The following PTPRT variants were observed in gnomAD, a reference collection of about 807,000 sequenced individuals.
The protein encoded by PTPRT is receptor-type tyrosine-protein phosphatase T.
PTPRT carries 56 observed loss-of-function variants against 176.8 expected under a neutral mutation model. The ratio of observed to expected loss-of-function variants is 0.32; its 90% confidence interval spans 0.26 to 0.40. PTPRT has a LOEUF of 0.40. PTPRT is among the 10% of genes least tolerant of loss of function. PTPRT has a pLI of 1.00. For synonymous variants in PTPRT, 783 were observed against 739.0 expected (o/e 1.06, Z -0.96); for missense variants, 1,540 against 1,908.2 (o/e 0.81, Z 3.60).
chr20:42,875,231 T>C (rs1171648779), intron 2 of PTPRT, among the ~76,000 whole-genome samples: 3 of 152,198 alleles, frequency 2.0e-5, no homozygotes, highest in Non-Finnish European at 4.4e-5. Context: ...CAAAAGGACA[T>C]CATGTTGCTT....
intron 9 of PTPRT, among the ~76,000 whole-genome samples, chr20:42,357,427 A>G (rs957988133): frequency 6.6e-6 from 1 of 152,244 alleles, no homozygotes. Flanking sequence ...GCATGTCTAA[A>G]TGAATAATTA....
chr20:42,813,234 CT>C (rs1202758051), intron 2 of PTPRT, among the ~76,000 whole-genome samples: 3 of 152,144 alleles, frequency 2.0e-5, no homozygotes, highest in African/African-American at 7.2e-5. Flanking sequence ...TGAACCCTCG[CT>C]TTATTGACCT....
intron 1 of PTPRT, among the ~76,000 whole-genome samples, chr20:42,953,458 A>C (rs1368007304): frequency 6.6e-6 from 1 of 152,242 alleles, no homozygotes; most frequent in East Asian, 1.9e-4. Context: ...TCGGTGAATC[A>C]CACAAGATAA....
intron 1 of PTPRT, among the ~76,000 whole-genome samples, chr20:43,083,559 A>G (rs1359844865): frequency 7.9e-5 from 12 of 151,306 alleles, no homozygotes; most frequent in Admixed American, 7.9e-4. Flanking sequence ...GGGTTTCACC[A>G]TGTTCGGCAG....
intron 16 of PTPRT, among the ~76,000 whole-genome samples, chr20:42,186,369 C>T (rs1024192050): frequency 2.7e-5 from 4 of 149,958 alleles, no homozygotes; most frequent in African/African-American, 4.9e-5. Flanking sequence ...TCCCATCCCA[C>T]GCTCCTTCTA....
At chr20:42,671,520 T>A (rs925920687) in intron 7 of PTPRT, among the ~76,000 whole-genome samples, 1 of 152,218 alleles carries the variant, frequency 6.6e-6, no homozygotes. Context: ...GCATGAACTC[T>A]GAAATGGGAT....
At chr20:42,329,331 A>C (rs980514283) in intron 11 of PTPRT, among the ~76,000 whole-genome samples, 1 of 152,244 alleles carries the variant, frequency 6.6e-6, no homozygotes, top group East Asian at 1.9e-4. Context: ...GGGTAAAAAT[A>C]GCCAAGAACA....
intron 7 of PTPRT, among the ~76,000 whole-genome samples, chr20:42,483,274 G>A (rs549872113): frequency 6.6e-6 from 1 of 151,986 alleles, no homozygotes; most frequent in Admixed American, 6.6e-5. Flanking sequence ...CAAGGGATTC[G>A]CCTGCCTCTG....
chr20:42,494,835 T>G (rs900894567), intron 7 of PTPRT, among the ~76,000 whole-genome samples: 1 of 152,178 alleles, frequency 6.6e-6, no homozygotes. Context: ...AATAAATGTT[T>G]CCTCTATCCC....
chr20:42,918,288 C>T (rs1978913792), intron 1 of PTPRT, among the ~76,000 whole-genome samples: 1 of 152,130 alleles, frequency 6.6e-6, no homozygotes, highest in African/African-American at 2.4e-5. Context: ...TAAGAAATCC[C>T]CCCATCTCCA....
rs77497851 is a variant in PTPRT, at chr20:42,342,933, C to T, written c.1865+7695G>A. ...TATGGTCTTAACTAACTGCACCTGT[C>T]AAATGCAAAAGGATCACAGATTCTC... On this transcript the variant is annotated intron_variant, in intron 11 of 30. Coordinates refer to ENST00000373187, the MANE Select transcript of PTPRT (RefSeq NM_007050.6). 1.2e-3 allele frequency among the ~76,000 whole-genome samples: 177 copies of T among 152,312 alleles called. 1 individual carries two copies. The highest frequency in any genetic ancestry group is 3.9e-3 in the African/African-American group (164 of 41,574).
In PTPRT at chr20:42,080,614, G is replaced by A. The variant is rs1983225286; in HGVS notation, c.*265C>T. 2.8e-6 allele frequency: 1 copy of A among 352,084 alleles called. No individual in the cohort carries two copies. The highest frequency in any genetic ancestry group is 4.7e-5 in the East Asian group (1 of 21,238). 21.8% of individuals were successfully genotyped at this position (352,084 alleles called of 1,614,324 possible). ...GAGCCAGAAATCCAAGGCCTTGCTT[G>A]TGGGTGTACTTCTGCTTGGGCCCTT... is the stretch of plus-strand genomic sequence containing the variant. On this transcript the variant is annotated 3_prime_UTR_variant, in exon 31 of 31. Transcript: ENST00000373187.
intron 15 of PTPRT, among the ~76,000 whole-genome samples, chr20:42,220,167 A>T (rs1186908503): frequency 2.6e-5 from 4 of 152,198 alleles, no homozygotes; most frequent in African/African-American, 9.6e-5. Flanking sequence ...ACATTCAGAT[A>T]TAAATCCACC....
intron 7 of PTPRT, among the ~76,000 whole-genome samples, chr20:42,523,557 T>C (rs1221770934): frequency 2.0e-5 from 3 of 152,148 alleles, no homozygotes; most frequent in Non-Finnish European, 4.4e-5. Flanking sequence ...ATTTGGAAAA[T>C]TTAAAAACTA....
intron 1 of PTPRT, among the ~76,000 whole-genome samples, chr20:43,040,164 T>C (rs573990352): frequency 1.3e-5 from 2 of 152,256 alleles, no homozygotes; most frequent in South Asian, 2.1e-4. Flanking sequence ...AAACACTAAA[T>C]AACACTTGAA....
In PTPRT at chr20:42,292,641, C is replaced by A. The variant is rs528155171; in HGVS notation, c.2140-10116G>T. Among the ~76,000 whole-genome samples, 3 of 152,280 alleles carry A rather than the reference C, an allele frequency of 2.0e-5. No individual in the cohort carries two copies. In the East Asian group the frequency reaches 5.8e-4, roughly 29 times the overall value. ...TTCTGAGGTGTCTGTAAGGCAAATA[C>A]CCCTTTGTCATTGAGGTCAGATGCT... On this transcript the variant is annotated intron_variant, in intron 12 of 30. Transcript: ENST00000373187.
intron 13 of PTPRT, among the ~76,000 whole-genome samples, chr20:42,257,272 G>A (rs993355700): frequency 2.0e-5 from 3 of 152,146 alleles, no homozygotes; most frequent in Admixed American, 6.5e-5. Flanking sequence ...AGGACAGCCG[G>A]GTGTGAAACT....
intron 2 of PTPRT, among the ~76,000 whole-genome samples, chr20:42,863,151 C>T (rs1183426306): frequency 2.6e-5 from 4 of 152,138 alleles, no homozygotes; most frequent in Non-Finnish European, 4.4e-5. Flanking sequence ...ATAGGAAATC[C>T]CGTGCTCTCC....
chr20:42,086,200 G>A lies in PTPRT; in HGVS notation c.3847-347C>T, dbSNP rs116966274. ...GTGATCCACCTGTCCCAGCCTCCCA[G>A]AGTGCTAGGATTATAGGTGTGAGCC... On this transcript the variant is annotated intron_variant, in intron 27 of 30. Transcript: ENST00000373187. 2.5e-4 allele frequency among the ~76,000 whole-genome samples: 38 copies of A among 152,198 alleles called. No homozygotes were observed. The East Asian group carries it at 5.8e-3, about 23-fold the overall frequency.
Sources: gnomAD v4.1 joint callset for allele counts (sites outside exome capture counted in the v4.1 genomes callset) on GRCh38, gnomAD v4.1.1 for gene constraint, MANE v1.5 for transcripts, NCBI Gene and HGNC (gene_info 2026-07-23, HGNC 2026-07-21) for gene names.